The following CTNNA2 variants were observed in gnomAD, a reference collection of about 807,000 sequenced individuals.
CTNNA2 encodes catenin alpha 2.
In CTNNA2, 42 loss-of-function variants were observed where a neutral mutation model predicts 101.0. The ratio of observed to expected loss-of-function variants is 0.42; its 90% CI spans 0.32 to 0.54. The LOEUF is 0.54. Among genes scored for constraint, CTNNA2 ranks in the 20% least tolerant of loss-of-function variants. The pLI is 0.14. For synonymous variants in CTNNA2, 450 were observed against 456.4 expected, an observed-to-expected ratio of 0.99 and a Z score of 0.18; for missense variants, 871 against 1,223.1, an observed-to-expected ratio of 0.71 and a Z score of 4.29.
chr2:79,425,669 A>T (rs147064022), intron 4 of CTNNA2, among the ~76,000 whole-genome samples: 17 of 152,222 alleles, frequency 1.1e-4, no homozygotes, highest in Non-Finnish European at 2.2e-4. Context: ...CACATTTCAC[A>T]ACACCTGAGT....
chr2:79,561,563 A>T (rs1302841437), intron 1 of CTNNA2, among the ~76,000 whole-genome samples: 2 of 151,914 alleles, frequency 1.3e-5, no homozygotes, highest in Admixed American at 1.3e-4. Context: ...CAGTATGAAG[A>T]TTCCAGTTTC....
At chr2:80,592,724 T>G (rs1347441864) in intron 15 of CTNNA2, among the ~76,000 whole-genome samples, 1 of 151,800 alleles carries the variant, frequency 6.6e-6, no homozygotes, top group Non-Finnish European at 1.5e-5. Context: ...TATATCTCAT[T>G]GGAGAGTCAC....
intron 7 of CTNNA2, among the ~76,000 whole-genome samples, chr2:80,375,814 C>G (rs976422902): frequency 6.6e-6 from 1 of 151,716 alleles, no homozygotes; most frequent in Admixed American, 6.6e-5. Context: ...TCACCCGCCT[C>G]GGCCTCCCAA....
rs1572969416 is a variant in CTNNA2, at chr2:79,187,254, TCTTTTC to T, written c.-524+1824_-524+1829del. Among the ~76,000 whole-genome samples, 3 of 110,102 alleles carry T rather than the reference TCTTTTC, an allele frequency of 2.7e-5. No individual in the cohort carries two copies. The East Asian group carries it at 7.4e-4, about 27-fold the overall frequency. 72.2% of individuals were successfully genotyped at this position (110,102 alleles called of 152,430 possible). A position where few individuals can be genotyped will look rare whatever the true frequency, so the allele number is the denominator to read the frequency against. Reference sequence around the variant, plus strand: ...CACTTCTTTTTCTTTTCTTTTCTTTTCTTTTCTTTTCTTTTCTTTTTTTTTTTTTTT... The same window carrying T: ...CACTTCTTTTTCTTTTCTTTTCTTTTTTTTCTTTTCTTTTTTTTTTTTTTT... On this transcript the variant is annotated intron_variant, in intron 1 of 21. Coordinates refer to the CTNNA2 transcript ENST00000466387.
Position 80,545,062 on chromosome 2 carries a change from C to G in CTNNA2, c.1371C>G (p.Ser457Arg), listed in dbSNP as rs758389836. The G allele has an allele frequency of 1.2e-6, 2 of 1,613,958 alleles. No individual in the cohort carries two copies. Among genetic ancestry groups the G allele is most frequent in the Middle Eastern group, 1.7e-4 (1 of 6,044 alleles). ...GGATGGCAGCCACCCAGATTGACAG[C>G]CTGTGTCCCCAGGTAAGCCTCATTC... The part of the protein sequence containing the change: ...LVRMAATQID[S>R]LCPQVINAAL... The change falls in exon 10 of 19, where the codon AGC becomes AGG. Residue 457 changes from serine to arginine, a missense_variant. By Grantham distance (110) the Ser-to-Arg change is moderately radical. Around this residue, in one of 5 missense-constraint regions of CTNNA2, gnomAD observed 647 missense variants for 831.5 expected, o/e 0.78. Transcript: ENST00000402739.
At chr2:79,771,253 G>C (rs143815554) in intron 3 of CTNNA2, among the ~76,000 whole-genome samples, 3 of 152,042 alleles carry the variant, frequency 2.0e-5, no homozygotes, top group African/African-American at 7.2e-5. Context: ...GCTGATAGTC[G>C]AACCACAGAG....
intron 7 of CTNNA2, among the ~76,000 whole-genome samples, chr2:80,089,617 A>C (rs1388956172): frequency 6.6e-6 from 1 of 152,070 alleles, no homozygotes; most frequent in African/African-American, 2.4e-5. Flanking sequence ...AAATTAGATT[A>C]AGAAATTTAT....
At chr2:80,271,453 G>A (rs1345816498) in intron 7 of CTNNA2, among the ~76,000 whole-genome samples, 2 of 145,394 alleles carry the variant, frequency 1.4e-5, no homozygotes, top group African/African-American at 5.1e-5. Context: ...ATGGAGTCTC[G>A]CTCTTTAGCT....
chr2:79,196,966 C>T (rs1260662257), intron 1 of CTNNA2, among the ~76,000 whole-genome samples: 2 of 152,214 alleles, frequency 1.3e-5, no homozygotes, highest in African/African-American at 4.8e-5. Context: ...CAGCATCCCT[C>T]TTTTTCAGAT....
chr2:79,293,207 T>C (rs1675874070), intron 2 of CTNNA2: 1 of 152,186 alleles, frequency 6.6e-6, no homozygotes, highest in Non-Finnish European at 1.5e-5. Flanking sequence ...ATGACATCAA[T>C]GGTTTTGCAG....
At chr2:80,521,509 G>T (rs1689545650) in intron 9 of CTNNA2, among the ~76,000 whole-genome samples, 1 of 152,160 alleles carries the variant, frequency 6.6e-6, no homozygotes. Context: ...TTAAGGTCAG[G>T]ACATGAGCCT....
intron 4 of CTNNA2, among the ~76,000 whole-genome samples, chr2:79,416,261 T>C (rs1678479999): frequency 1.5e-5 from 2 of 137,780 alleles, no homozygotes; most frequent in South Asian, 4.6e-4. Context: ...CCTTTTCTTT[T>C]TTTTTTTTTT....
chr2:79,300,088 A>T (rs965197732), intron 2 of CTNNA2, among the ~76,000 whole-genome samples: 1 of 152,192 alleles, frequency 6.6e-6, no homozygotes, highest in Non-Finnish European at 1.5e-5. Context: ...ATGTAAAAAG[A>T]CATGTATCTA....
chr2:80,555,422 A>G (rs184643960), intron 11 of CTNNA2, among the ~76,000 whole-genome samples: 109 of 152,254 alleles, frequency 7.2e-4, no homozygotes, highest in Non-Finnish European at 1.3e-3. Flanking sequence ...CAGAAACTCA[A>G]TTTCTTGGGC....
chr2:80,536,837 G>T (rs116203579), intron 9 of CTNNA2, among the ~76,000 whole-genome samples: 100 of 152,322 alleles, frequency 6.6e-4, no homozygotes, highest in African/African-American at 2.0e-3. Context: ...CAGCCACGAT[G>T]TAGTTTATCA....
chr2:80,428,674 T>C (rs1681209410), intron 9 of CTNNA2, among the ~76,000 whole-genome samples: 1 of 152,196 alleles, frequency 6.6e-6, no homozygotes, highest in Non-Finnish European at 1.5e-5. Context: ...ACAAATGTCC[T>C]GGGTTTAAAT....
chr2:80,532,816 T>C (rs930500115), intron 9 of CTNNA2, among the ~76,000 whole-genome samples: 2 of 152,072 alleles, frequency 1.3e-5, no homozygotes, highest in Non-Finnish European at 2.9e-5. Flanking sequence ...GAGAAGAAAA[T>C]ATGACCTTAG....
At chr2:80,308,939 A>G (rs1394171294) in intron 7 of CTNNA2, among the ~76,000 whole-genome samples, 1 of 151,866 alleles carries the variant, frequency 6.6e-6, no homozygotes, top group African/African-American at 2.4e-5. Context: ...AACTACAAAA[A>G]TTAGCCAGGC....
intron 7 of CTNNA2, among the ~76,000 whole-genome samples, chr2:80,370,865 A>G (rs769072340): frequency 5.3e-5 from 8 of 152,224 alleles, no homozygotes; most frequent in Non-Finnish European, 1.2e-4. Flanking sequence ...TATGTTTTAC[A>G]TGACACAAGA....
Sources: gnomAD v4.1 joint callset for allele counts (sites outside exome capture counted in the v4.1 genomes callset) on GRCh38, gnomAD v4.1.1 for gene constraint, gnomAD v4.1.1 regional missense constraint, MANE v1.5 for transcripts, NCBI Gene and HGNC (gene_info 2026-07-23, HGNC 2026-07-21) for gene names.